Variants in SYN3 observed in about 807,000 individuals in gnomAD.
SYN3 encodes the protein synapsin III.
Under a neutral mutation model 65.8 loss-of-function variants are expected in SYN3, and 35 were observed. The ratio of observed to expected loss-of-function variants is 0.53; its 90% CI spans 0.41 to 0.70. SYN3 has a LOEUF of 0.70. SYN3 is among the 30% of genes least tolerant of loss of function. The pLI is 0.00. For missense variants in SYN3, 680 were observed against 749.0 expected, an observed-to-expected ratio of 0.91 and a Z score of 1.08; for synonymous variants, 270 against 292.9, an observed-to-expected ratio of 0.92 and a Z score of 0.80.
chr22:32,764,396 C>G (rs1255622342), intron 6 of SYN3, among the ~76,000 whole-genome samples: 1 of 152,190 alleles, frequency 6.6e-6, no homozygotes, highest in Non-Finnish European at 1.5e-5. Context: ...CCAACTTCAC[C>G]CTTTGTAGAG....
chr22:33,032,210 TAAAAA>T lies in SYN3; in HGVS notation c.-162-25391_-162-25387del, dbSNP rs35196379. ...GGGTGACAGAGCAAGGCTCTGTCTT[TAAAAA>T]AAAAAAAAAATGCTGGGCATGGTGG... On this transcript the variant is annotated intron_variant, in intron 1 of 13. Coordinates refer to ENST00000358763, the MANE Select transcript of SYN3 (RefSeq NM_003490.4). 2.4e-4 allele frequency among the ~76,000 whole-genome samples: 33 copies of T among 135,216 alleles called. No homozygotes were observed. In the East Asian group the frequency reaches 6.2e-3, roughly 25 times the overall value. The allele number at this position is 135,216 out of a possible 152,430, so 88.7% of individuals were successfully genotyped here. A position where few individuals can be genotyped will look rare whatever the true frequency, so the allele number is the denominator to read the frequency against.
intron 6 of SYN3, among the ~76,000 whole-genome samples, chr22:32,855,805 A>G (rs2048347070): frequency 6.6e-6 from 1 of 152,222 alleles, no homozygotes; most frequent in African/African-American, 2.4e-5. Context: ...CTAGGGGGGC[A>G]AAATTGCCTC....
chr22:32,998,786 A>AAC (rs1556121406), intron 2 of SYN3, among the ~76,000 whole-genome samples: 1 of 135,184 alleles, frequency 7.4e-6, no homozygotes, highest in African/African-American at 2.7e-5. Flanking sequence ...TAAAAAAAAA[A>AAC]AAAAAAAAAA....
intron 6 of SYN3, among the ~76,000 whole-genome samples, chr22:32,856,621 G>A (rs149555990): frequency 2.0e-5 from 3 of 152,212 alleles, no homozygotes; most frequent in Non-Finnish European, 4.4e-5. Context: ...CAGGGTAATT[G>A]GGATATTCAT....
At chr22:32,867,982 T>G (rs889135696) in intron 5 of SYN3, among the ~76,000 whole-genome samples, 39 of 152,086 alleles carry the variant, frequency 2.6e-4, no homozygotes, top group African/African-American at 8.9e-4. Flanking sequence ...GAAGAGAAAT[T>G]AAATGTTGGG....
In SYN3 at chr22:32,894,228, T is replaced by A. The variant is rs150678653; in HGVS notation, c.462-25103A>T. ...TGGAGTAAAGGCTTCAGTCACCAAA[T>A]TGTAGCCTAGAGAATAAAATGTCCT... On this transcript the variant is annotated intron_variant, in intron 4 of 13. Transcript: ENST00000358763. 1.9e-4 allele frequency among the ~76,000 whole-genome samples: 29 copies of A among 152,350 alleles called. No individual in the cohort carries two copies. The East Asian group carries it at 5.2e-3, about 27-fold the overall frequency.
intron 4 of SYN3, among the ~76,000 whole-genome samples, chr22:32,922,276 C>T (rs2050354186): frequency 6.6e-6 from 1 of 152,212 alleles, no homozygotes; most frequent in Non-Finnish European, 1.5e-5. Flanking sequence ...TGAATCCTAG[C>T]TTTGCCACTT....
At chr22:32,710,135 T>G (rs1210384520) in intron 6 of SYN3, among the ~76,000 whole-genome samples, 1 of 136,142 alleles carries the variant, frequency 7.3e-6, no homozygotes, top group Non-Finnish European at 1.6e-5. Flanking sequence ...GTGTGTGTAT[T>G]TACTTTTCAT....
intron 6 of SYN3, among the ~76,000 whole-genome samples, chr22:32,754,461 T>TAA (rs77816529): frequency 4.6e-5 from 7 of 151,668 alleles, no homozygotes; most frequent in African/African-American, 1.5e-4. Context: ...CTCTTTCTTT[T>TAA]AAAAAAAAGG....
At chr22:32,649,157 T>A (rs967544502) in intron 6 of SYN3, among the ~76,000 whole-genome samples, 1 of 152,150 alleles carries the variant, frequency 6.6e-6, no homozygotes, top group African/African-American at 2.4e-5. Flanking sequence ...TTTTGGCCAA[T>A]GGGCTGGTAG....
intron 7 of SYN3, among the ~76,000 whole-genome samples, chr22:32,582,836 T>C (rs2058969208): frequency 6.6e-6 from 1 of 152,182 alleles, no homozygotes; most frequent in African/African-American, 2.4e-5. Flanking sequence ...TGGCTGCTGA[T>C]CCATTATCTG....
intron 1 of SYN3, among the ~76,000 whole-genome samples, chr22:33,044,773 C>G (rs1378322035): frequency 2.0e-5 from 3 of 151,846 alleles, no homozygotes; most frequent in African/African-American, 7.3e-5. Context: ...TGCTTGCTAA[C>G]TACAGGTCTC....
In SYN3 at chr22:32,826,079, G is replaced by A. The variant is rs58709981; in HGVS notation, c.711+38836C>T. Among the ~76,000 whole-genome samples, 1,421 of 152,250 alleles carry A rather than the reference G, an allele frequency of 9.3e-3. 23 individuals carry two copies. Among genetic ancestry groups the A allele is most frequent in the African/African-American group, 0.033 (1,369 of 41,556 alleles). On this transcript the variant is annotated intron_variant, in intron 6 of 13. Transcript: ENST00000358763. Reference sequence around the variant, plus strand: ...TTATTTTATAGGTTTTTGTTTGTTTGTTGACTTCTTTTTTTCCCAACCTTT... The same window carrying A: ...TTATTTTATAGGTTTTTGTTTGTTTATTGACTTCTTTTTTTCCCAACCTTT...
intron 4 of SYN3, among the ~76,000 whole-genome samples, chr22:32,923,669 T>G (rs9609657): frequency 2.0e-5 from 3 of 152,186 alleles, no homozygotes; most frequent in Admixed American, 6.5e-5. Context: ...TGTGGAAGAT[T>G]CCACTGTTTT....
At chr22:32,630,811 C>T (rs927373088) in intron 6 of SYN3, among the ~76,000 whole-genome samples, 3 of 152,164 alleles carry the variant, frequency 2.0e-5, no homozygotes, top group African/African-American at 7.2e-5. Context: ...TTTGTCCTGG[C>T]CCCTTCACAG....
At chr22:33,042,506 G>A (rs1000705494) in intron 1 of SYN3, among the ~76,000 whole-genome samples, 4 of 152,202 alleles carry the variant, frequency 2.6e-5, no homozygotes, top group African/African-American at 9.7e-5. Flanking sequence ...AAGTACACTG[G>A]CTGCTTGAAG....
At chr22:32,608,004 G>T (rs532413663) in intron 6 of SYN3, among the ~76,000 whole-genome samples, 1 of 152,308 alleles carries the variant, frequency 6.6e-6, no homozygotes, top group East Asian at 1.9e-4. Context: ...TGACAGTCTT[G>T]TTCCAGCTGC....
At chr22:32,571,035 T>A (rs1438857144) in intron 7 of SYN3, among the ~76,000 whole-genome samples, 1 of 152,186 alleles carries the variant, frequency 6.6e-6, no homozygotes, top group East Asian at 1.9e-4. Context: ...TGTGTGTGTG[T>A]GTGTTTCTAA....
chr22:32,698,952 A>G (rs1044199768), intron 6 of SYN3, among the ~76,000 whole-genome samples: 2 of 152,142 alleles, frequency 1.3e-5, no homozygotes, highest in African/African-American at 4.8e-5. Context: ...TATCTACCCA[A>G]GGTTGTGAGG....
Sources: allele counts gnomAD v4.1 joint callset (sites outside exome capture counted in the v4.1 genomes callset), GRCh38; gene constraint gnomAD v4.1.1; transcripts MANE v1.5; gene names NCBI Gene and HGNC (gene_info 2026-07-23, HGNC 2026-07-21).